ADAMTS14: variants seen among roughly 807,000 people sequenced by gnomAD.
ADAMTS14 encodes the protein ADAM metallopeptidase with thrombospondin type 1 motif 14.
In ADAMTS14, 100 loss-of-function variants were observed where a neutral mutation model predicts 128.6. The ratio of observed to expected loss-of-function variants is 0.78; its 90% CI spans 0.66 to 0.92. ADAMTS14 has a LOEUF of 0.92. ADAMTS14 is among the 40% of genes least tolerant of loss of function. The pLI is 0.00. For missense variants in ADAMTS14, 1,562 were observed against 1,658.6 expected, an observed-to-expected ratio of 0.94 and a Z score of 1.01; for synonymous variants, 665 against 653.8, an observed-to-expected ratio of 1.02 and a Z score of -0.26.
At chr10:70,752,034 C>A (rs1160687245) in intron 17 of ADAMTS14, 61 bp from the exon 18 acceptor site, 2 of 1,565,272 alleles carry the variant, frequency 1.3e-6, no homozygotes, top group Admixed American at 3.6e-5. Flanking sequence ...CCCCTGAGGC[C>A]CCACCAGGGC....
chr10:70,752,165 C>G lies in ADAMTS14; in HGVS notation c.2667C>G (p.Asp889Glu). Residue 889 changes from aspartate (D) to glutamate (E), a missense_variant, in exon 18 of 22, where the codon GAC becomes GAG. Physicochemically the swap from Asp to Glu is conservative, Grantham distance 45. Coordinates refer to ENST00000373207, the MANE Select transcript of ADAMTS14 (RefSeq NM_080722.4). ...DHHMVQRHLC[D>E]HKKRPKPIRR... ...ACATGGTGCAGCGACACCTGTGTGA[C>G]CACAAGAAGAGGCCCAAGCCCATCC... The G allele has an allele frequency of 6.2e-7, 1 of 1,613,658 alleles. No individual in the cohort carries two copies. Among genetic ancestry groups the G allele is most frequent in the Non-Finnish European group, 8.5e-7 (1 of 1,179,962 alleles).
At chr10:70,719,029 T>C (rs760814314) in intron 4 of ADAMTS14, among the ~76,000 whole-genome samples, 6 of 152,026 alleles carry the variant, frequency 3.9e-5, no homozygotes, top group Non-Finnish European at 7.4e-5. Context: ...CATTTGGTAA[T>C]GTCTGGAGAT....
rs771648076 is a variant in ADAMTS14, at chr10:70,674,681, G to A, written c.208G>A (p.Val70Met). 7 of 1,613,530 alleles carry A rather than the reference G, an allele frequency of 4.3e-6. No homozygotes were observed. The South Asian group carries it at 7.7e-5, about 18-fold the overall frequency. Residue 70 changes from valine to methionine, a missense_variant, in exon 2 of 22, where the codon GTG (valine) becomes ATG (methionine). By Grantham distance (21) the Val-to-Met change is conservative. Coordinates refer to ENST00000373207, the MANE Select transcript of ADAMTS14 (RefSeq NM_080722.4). ...PAAASAGSMV[V>M]DTPPTLPRHS... is the part of the protein sequence containing the mutation. Reference sequence around the variant, plus strand: ...AGCAGCCTCTGCAGGGAGCATGGTAGTGGACACGCCACCCACACTACCACG... The same window carrying A: ...AGCAGCCTCTGCAGGGAGCATGGTAATGGACACGCCACCCACACTACCACG...
At chr10:70,674,123 T>G (rs1263395773) in intron 1 of ADAMTS14, among the ~76,000 whole-genome samples, 1 of 152,034 alleles carries the variant, frequency 6.6e-6, no homozygotes, top group East Asian at 1.9e-4. Context: ...CTTGGAAGTT[T>G]GGGGAGGAGG....
In ADAMTS14 at chr10:70,728,776, A is replaced by G. The variant is rs79515416; in HGVS notation, c.871-518A>G. ...TGGGGCCCAAGACTCTGCATTTCTC[A>G]CAAGCTCCCAGGTGCTGCTGCTGCT... is the stretch of plus-strand genomic sequence containing the variant. On this transcript the variant is annotated intron_variant, in intron 4 of 21. Coordinates refer to ENST00000373207, the MANE Select transcript of ADAMTS14 (RefSeq NM_080722.4). Among the ~76,000 whole-genome samples, 345 of 152,316 alleles carry G rather than the reference A, an allele frequency of 2.3e-3. 3 individuals carry two copies. The highest frequency in any genetic ancestry group is 7.9e-3 in the African/African-American group (328 of 41,574).
intron 12 of ADAMTS14, 87 bp from the exon 13 acceptor site, chr10:70,743,461 G>A: frequency 6.8e-7 from 1 of 1,475,966 alleles, no homozygotes; most frequent in Non-Finnish European, 9.0e-7. Flanking sequence ...TGGCCCCGGA[G>A]CTTTCTGGCT....
At chr10:70,683,861 G>A (rs1033983502) in intron 2 of ADAMTS14, among the ~76,000 whole-genome samples, 3 of 152,172 alleles carry the variant, frequency 2.0e-5, no homozygotes, top group Non-Finnish European at 4.4e-5. Flanking sequence ...CCTCCAGTAG[G>A]CCGTCTCAGG....
chr10:70,682,138 A>G (rs529318555), intron 2 of ADAMTS14, among the ~76,000 whole-genome samples: 9 of 152,176 alleles, frequency 5.9e-5, no homozygotes, highest in African/African-American at 1.4e-4. Context: ...AGCATTGAGC[A>G]TAAGTCTGGG....
chr10:70,735,209 T>C lies in ADAMTS14; in HGVS notation c.1393T>C (p.Trp465Arg). ...CCTCGATGACCCCTTTGATCCTGCC[T>C]GGCCCCAGCCCCCAGAGCTGCCTGG... ...CLLDDPFDPA[W>R]PQPPELPGIN... is the part of the protein sequence containing the mutation. The change falls in exon 9 of 22, where the codon TGG (tryptophan) becomes CGG (arginine). Residue 465 changes from tryptophan (W) to arginine (R), a missense_variant. By Grantham distance (101) the Trp-to-Arg change is moderately radical. Transcript: ENST00000373207. 1 of 1,613,772 alleles carries C rather than the reference T, an allele frequency of 6.2e-7. No individual in the cohort carries two copies. The highest frequency in any genetic ancestry group is 8.5e-7 in the Non-Finnish European group (1 of 1,179,840).
chr10:70,752,239 C>G lies in ADAMTS14; in HGVS notation c.2729+12C>G, dbSNP rs1053210539. 2 of 1,612,780 alleles carry G rather than the reference C, an allele frequency of 1.2e-6. No homozygotes were observed. The highest frequency in any genetic ancestry group is 3.3e-5 in the Admixed American group (2 of 59,916). On this transcript the variant is annotated intron_variant, in intron 18 of 21. Coordinates refer to ENST00000373207, the MANE Select transcript of ADAMTS14 (RefSeq NM_080722.4). ...TGCTCTCAGCCTGTGTGAGTGCTCC[C>G]AGGGAGGGACGGGGAGTCTGGTTCT... is the stretch of plus-strand genomic sequence containing the variant.
chr10:70,735,713 G>A (rs539421154), intron 9 of ADAMTS14, among the ~76,000 whole-genome samples: 14 of 152,290 alleles, frequency 9.2e-5, no homozygotes, highest in South Asian at 4.1e-4. Context: ...TCTCCAGAGC[G>A]TCAGTTCCAT....
intron 2 of ADAMTS14, among the ~76,000 whole-genome samples, chr10:70,700,123 G>T (rs918655765): frequency 2.6e-5 from 4 of 152,036 alleles, no homozygotes; most frequent in African/African-American, 9.7e-5. Context: ...GGTGTGTCCC[G>T]GGCCTGGAGC....
intron 2 of ADAMTS14, among the ~76,000 whole-genome samples, chr10:70,676,901 C>G (rs986300848): frequency 1.1e-4 from 17 of 152,244 alleles, no homozygotes; most frequent in African/African-American, 4.1e-4. Flanking sequence ...AAAGTCATCA[C>G]ACAGGTAGGC....
chr10:70,730,682 G>T (rs1459556298), intron 6 of ADAMTS14, among the ~76,000 whole-genome samples: 1 of 152,136 alleles, frequency 6.6e-6, no homozygotes, highest in African/African-American at 2.4e-5. Flanking sequence ...CCAACCCAGT[G>T]GTCCAAGATC....
Position 70,687,968 on chromosome 10 carries a change from C to T in ADAMTS14, c.522+12973C>T, listed in dbSNP as rs1347092400. On this transcript the variant is annotated intron_variant, in intron 2 of 21. Coordinates refer to ENST00000373207, the MANE Select transcript of ADAMTS14 (RefSeq NM_080722.4). ...CGGCTGGCCGGGCGGGGGGCTGACC[C>T]CCCCCCCGACCTCCCTCCCGGACGG... is the stretch of plus-strand genomic sequence containing the variant. Among the ~76,000 whole-genome samples the T allele has an allele frequency of 4.4e-5, 3 of 68,894 alleles. 1 individual carries two copies. The highest frequency in any genetic ancestry group is 1.7e-4 in the African/African-American group (3 of 17,942). 45.2% of individuals were successfully genotyped at this position (68,894 alleles called of 152,430 possible). A position where few individuals can be genotyped will look rare whatever the true frequency, so the allele number is the denominator to read the frequency against.
rs770762752 is a variant in ADAMTS14 at position 70,732,286 on chromosome 10, C to T, written c.1135C>T (p.Leu379=). 2 of 1,614,218 alleles carry T rather than the reference C, an allele frequency of 1.2e-6. No individual in the cohort carries two copies. The highest frequency in any genetic ancestry group is 1.3e-5 in the African/African-American group (1 of 75,072). The part of the protein sequence containing the change: ...YAPVTGMCHP[L]RSCALNHEDG... ...ACCCGTCACTGGCATGTGTCACCCC[C>T]TGAGGAGCTGTGCCCTCAACCATGA... Residue 379 remains leucine, a synonymous_variant, in exon 7 of 22, where the codon CTG becomes TTG. Coordinates refer to ENST00000373207, the MANE Select transcript of ADAMTS14 (RefSeq NM_080722.4).
chr10:70,704,668 C>T (rs1415085058), intron 3 of ADAMTS14, among the ~76,000 whole-genome samples: 3 of 150,016 alleles, frequency 2.0e-5, no homozygotes, highest in Non-Finnish European at 3.0e-5. Flanking sequence ...CACACTGACA[C>T]AAACACACGC....
intron 10 of ADAMTS14, among the ~76,000 whole-genome samples, chr10:70,737,894 A>G (rs1276986011): frequency 6.6e-6 from 1 of 152,222 alleles, no homozygotes; most frequent in Non-Finnish European, 1.5e-5. Flanking sequence ...GGTGATAAAA[A>G]TATTCTCAAA....
rs200645519 is a variant in ADAMTS14, at chr10:70,733,874, C to T, written c.1209-11C>T. ...GGATGTATCAGGACTCCTCTGTCTT[C>T]CCCATTCCAGGCTCGGCATGGAGCA... On this transcript the variant is annotated splice_polypyrimidine_tract_variant and intron_variant, in intron 7 of 21. Coordinates refer to ENST00000373207, the MANE Select transcript of ADAMTS14 (RefSeq NM_080722.4). 3.0e-4 allele frequency: 481 copies of T among 1,610,104 alleles called. No homozygotes were observed. The African/African-American group carries it at 5.9e-3, about 20-fold the overall frequency.
Sources: allele counts gnomAD v4.1 joint callset (sites outside exome capture counted in the v4.1 genomes callset), GRCh38; gene constraint gnomAD v4.1.1; transcripts MANE v1.5; gene names NCBI Gene and HGNC (gene_info 2026-07-23, HGNC 2026-07-21).